Variants in BLK observed in about 807,000 individuals in gnomAD.
The protein encoded by BLK is BLK proto-oncogene, Src family tyrosine kinase, also known as tyrosine-protein kinase Blk.
A neutral mutation model predicts 61.8 loss-of-function variants in BLK; 64 were observed. That is an observed-to-expected ratio of 1.03 (90% CI 0.85 to 1.27). The LOEUF is 1.27. Ranked by LOEUF, BLK falls within the 50% of genes most tolerant of loss-of-function variation. BLK has a pLI of 0.00. For synonymous variants in BLK, 351 were observed against 272.0 expected, an observed-to-expected ratio of 1.29 and a Z score of -2.86; for missense variants, 853 against 660.5, an observed-to-expected ratio of 1.29 and a Z score of -3.19.
chr8:11,543,184 C>T (rs372864179), intron 1 of BLK, 40 bp from the exon 2 acceptor site: 14 of 1,612,580 alleles, frequency 8.7e-6, no homozygotes, highest in East Asian at 2.2e-5. Flanking sequence ...TCTGAGGCCC[C>T]GCTCTCTCAT....
chr8:11,510,634 C>T (rs1798962702), intron 1 of BLK, among the ~76,000 whole-genome samples: 1 of 152,056 alleles, frequency 6.6e-6, no homozygotes, highest in African/African-American at 2.4e-5. Context: ...TCTCTTTCCC[C>T]CTTTCTGGGA....
rs1211465255 is a variant in BLK, at chr8:11,556,856, C to A, written c.952+19C>A. On this transcript the variant is annotated intron_variant, in intron 9 of 12. Transcript: ENST00000259089. ...GCCAGAGGTGGTGCCCCCCGCAGAG[C>A]CGCATCCTCAGAGCGAGGCGGGAGG... is the stretch of plus-strand genomic sequence containing the variant. 6.2e-7 allele frequency: 1 copy of A among 1,612,574 alleles called. No individual in the cohort carries two copies. The highest frequency in any genetic ancestry group is 8.5e-7 in the Non-Finnish European group (1 of 1,179,216).
rs768517925 is a variant in BLK, at chr8:11,543,359, C to T, written c.123+12C>T. ...CACTGCCGCCCCTGGTGAGTGATTG[C>T]CCACCCCCACCAAGAGCAGATTACT... is the stretch of plus-strand genomic sequence containing the variant. On this transcript the variant is annotated intron_variant, in intron 2 of 12. Transcript: ENST00000259089. 6 of 1,611,968 alleles carry T rather than the reference C, an allele frequency of 3.7e-6. No homozygotes were observed. Among genetic ancestry groups the T allele is most frequent in the African/African-American group, 1.3e-5 (1 of 74,914 alleles).
chr8:11,548,023 T>C lies in BLK; in HGVS notation c.176-9T>C. ...TGAGTGGTGGTCATCTCTCCCTTGT[T>C]CATTTTAGACAAGCATTTCGTGGTG... On this transcript the variant is annotated splice_polypyrimidine_tract_variant and intron_variant, in intron 3 of 12. Transcript: ENST00000259089. 6.2e-7 allele frequency: 1 copy of C among 1,613,474 alleles called. No homozygotes were observed. Among genetic ancestry groups the C allele is most frequent in the Non-Finnish European group, 8.5e-7 (1 of 1,179,432 alleles).
intron 1 of BLK, among the ~76,000 whole-genome samples, chr8:11,505,415 C>T (rs1798731349): frequency 6.6e-6 from 1 of 152,170 alleles, no homozygotes; most frequent in Non-Finnish European, 1.5e-5. Context: ...GCATGGTGAC[C>T]TGCCAAGCCA....
chr8:11,536,184 A>C (rs2117405214), intron 1 of BLK, among the ~76,000 whole-genome samples: 1 of 152,336 alleles, frequency 6.6e-6, no homozygotes, highest in African/African-American at 2.4e-5. Context: ...ATGTGAGCAA[A>C]TGTCTCCATG....
At chr8:11,501,696 C>G (rs1267126862) in intron 1 of BLK, among the ~76,000 whole-genome samples, 2 of 152,224 alleles carry the variant, frequency 1.3e-5, no homozygotes, top group Non-Finnish European at 2.9e-5. Flanking sequence ...GCTCTCGTGA[C>G]TTTGCACTGT....
At chr8:11,532,200 T>C (rs1345386864) in intron 1 of BLK, among the ~76,000 whole-genome samples, 2 of 128,404 alleles carry the variant, frequency 1.6e-5, no homozygotes, top group Admixed American at 1.5e-4. Flanking sequence ...AATATTTATT[T>C]ATTTATTTAT....
intron 1 of BLK, among the ~76,000 whole-genome samples, chr8:11,527,058 G>A (rs531355188): frequency 8.5e-4 from 129 of 152,242 alleles, no homozygotes; most frequent in Middle Eastern, 3.4e-3. Context: ...GTTAGAGGAC[G>A]TCCTAGTGTC....
chr8:11,516,000 T>C (rs1281842774), intron 1 of BLK, among the ~76,000 whole-genome samples: 2 of 152,224 alleles, frequency 1.3e-5, no homozygotes, highest in African/African-American at 4.8e-5. Flanking sequence ...TGTCAGGCAC[T>C]GTAGATGGAA....
chr8:11,520,750 G>T (rs988055565), intron 1 of BLK, among the ~76,000 whole-genome samples: 1 of 151,872 alleles, frequency 6.6e-6, no homozygotes, highest in Non-Finnish European at 1.5e-5. Flanking sequence ...TACACATTTC[G>T]AAAAAAGGCA....
intron 1 of BLK, among the ~76,000 whole-genome samples, chr8:11,524,127 T>C (rs1312694472): frequency 2.0e-5 from 3 of 152,208 alleles, no homozygotes; most frequent in Non-Finnish European, 2.9e-5. Flanking sequence ...AGTGATTAAA[T>C]AAATTAATGG....
At chr8:11,555,062 T>C (rs1801133201) in intron 7 of BLK, among the ~76,000 whole-genome samples, 173 bp downstream of exon 7, 1 of 152,108 alleles carries the variant, frequency 6.6e-6, no homozygotes, top group African/African-American at 2.4e-5. Flanking sequence ...TGGCCCTAAT[T>C]CCCTCTCCTG....
intron 1 of BLK, among the ~76,000 whole-genome samples, chr8:11,535,268 G>GAAAGAAAGAAAGA (rs1554448041): frequency 4.1e-4 from 40 of 98,286 alleles, no homozygotes; most frequent in African/African-American, 1.4e-3. Context: ...AAAGAAGAAA[G>GAAAGAAAGAAAGA]AAAGAAAGAA....
intron 8 of BLK, 36 bp downstream of exon 8, chr8:11,555,520 C>T (rs1021619836): frequency 3.7e-6 from 6 of 1,613,706 alleles, no homozygotes; most frequent in African/African-American, 2.7e-5. Flanking sequence ...TTTCTCCCCC[C>T]ATTCCACCTG....
At chr8:11,502,363 G>T (rs755270974) in intron 1 of BLK, among the ~76,000 whole-genome samples, 1 of 151,730 alleles carries the variant, frequency 6.6e-6, no homozygotes, top group Non-Finnish European at 1.5e-5. Context: ...CAGTGCAGTG[G>T]CACGATCTCT....
Position 11,523,658 on chromosome 8 carries a change from G to C in BLK, c.-1-19566G>C, listed in dbSNP as rs140235011. On this transcript the variant is annotated intron_variant, in intron 1 of 12. Transcript: ENST00000259089. The stretch of plus-strand genomic sequence containing the variant: ...AAATTACACATATTTATCACATAAA[G>C]AGGTCTTCCATATCATTGACAAAAT... Among the ~76,000 whole-genome samples the C allele has an allele frequency of 2.3e-3, 352 of 152,280 alleles. 1 individual carries two copies. Among genetic ancestry groups the C allele is most frequent in the African/African-American group, 7.8e-3 (325 of 41,544 alleles).
chr8:11,537,684 G>C (rs1002082638), intron 1 of BLK, among the ~76,000 whole-genome samples: 2 of 152,212 alleles, frequency 1.3e-5, no homozygotes, highest in African/African-American at 4.8e-5. Context: ...GCCTTCTTCA[G>C]TGGTAAAATG....
rs974096774 is a variant in BLK, at chr8:11,554,837, C to T, written c.567C>T (p.Ile189=). ...GCCTGGATGAAGGGGGCTACTACAT[C>T]TCCCCCCGGATCACCTTCCCCTCGC... is the stretch of plus-strand genomic sequence containing the variant. ...IRCLDEGGYY[I]SPRITFPSLQ... Residue 189 remains isoleucine, a synonymous_variant, in exon 7 of 13, where the codon ATC becomes ATT. Coordinates refer to ENST00000259089, the MANE Select transcript of BLK (RefSeq NM_001715.3). 1 of 1,613,968 alleles carries T rather than the reference C, an allele frequency of 6.2e-7. No individual in the cohort carries two copies. Among genetic ancestry groups the T allele is most frequent in the Non-Finnish European group, 8.5e-7 (1 of 1,179,962 alleles).
Sources: gnomAD v4.1 joint callset for allele counts (sites outside exome capture counted in the v4.1 genomes callset) on GRCh38, gnomAD v4.1.1 for gene constraint, MANE v1.5 for transcripts, NCBI Gene and HGNC (gene_info 2026-07-23, HGNC 2026-07-21) for gene names.